TRDN: variants seen among roughly 807,000 people sequenced by gnomAD.
TRDN encodes the protein triadin in skeletal muscle.
TRDN carries 161 observed loss-of-function variants against 149.7 expected under a neutral mutation model. The ratio of observed to expected loss-of-function variants is 1.08; its 90% CI spans 0.95 to 1.23. TRDN has a LOEUF of 1.23. Ranked by LOEUF, TRDN falls within the 50% of genes most tolerant of loss-of-function variation. The pLI, the probability that TRDN is intolerant of heterozygous loss-of-function variation, is 0.00. For missense variants in TRDN, 896 were observed against 823.5 expected, an observed-to-expected ratio of 1.09 and a Z score of -1.08; for synonymous variants, 294 against 250.5, an observed-to-expected ratio of 1.17 and a Z score of -1.64.
chr6:123,539,565 A>T (rs1392658020), intron 4 of TRDN, among the ~76,000 whole-genome samples: 2 of 152,214 alleles, frequency 1.3e-5, no homozygotes, highest in Admixed American at 6.5e-5. Flanking sequence ...AAAGGGAAAC[A>T]ATACCAATAC....
intron 1 of TRDN, among the ~76,000 whole-genome samples, chr6:123,608,751 G>A (rs1784641198): frequency 6.6e-6 from 1 of 151,970 alleles, no homozygotes; most frequent in Admixed American, 6.6e-5. Flanking sequence ...CGTTTTCTGG[G>A]GAAAATTTAT....
At chr6:123,261,817 A>AT (rs1776780990) in intron 33 of TRDN, among the ~76,000 whole-genome samples, 1 of 151,908 alleles carries the variant, frequency 6.6e-6, no homozygotes, top group Non-Finnish European at 1.5e-5. Context: ...TAATTTTGGC[A>AT]ATAGTGTTCA....
intron 1 of TRDN, among the ~76,000 whole-genome samples, chr6:123,632,758 A>C (rs1196181348): frequency 1.3e-5 from 2 of 151,974 alleles, no homozygotes; most frequent in African/African-American, 4.8e-5. Context: ...GTAAATGCAG[A>C]AACATAGGTT....
chr6:123,516,086 G>C, intron 6 of TRDN, 55 bp downstream of exon 6: 1 of 1,388,350 alleles, frequency 7.2e-7, no homozygotes, highest in African/African-American at 1.5e-5. Context: ...TAAAGAGTAG[G>C]AAGTCAATGG....
intron 24 of TRDN, among the ~76,000 whole-genome samples, chr6:123,316,051 T>C (rs1276422224): frequency 6.6e-6 from 1 of 151,910 alleles, no homozygotes; most frequent in East Asian, 1.9e-4. Flanking sequence ...TGAAAGTAGG[T>C]AAATACAGGT....
At chr6:123,425,316 AC>A (rs1774078454) in intron 12 of TRDN, among the ~76,000 whole-genome samples, 1 of 151,578 alleles carries the variant, frequency 6.6e-6, no homozygotes, top group Non-Finnish European at 1.5e-5. Flanking sequence ...GTTCAAAAAA[AC>A]ATATTAACTT....
chr6:123,554,569 T>C (rs915538980), intron 2 of TRDN, among the ~76,000 whole-genome samples: 4 of 152,200 alleles, frequency 2.6e-5, no homozygotes, highest in Admixed American at 2.6e-4. Context: ...TCATTTAATA[T>C]GCCCTGAGTT....
At chr6:123,459,193 G>C (rs988091738) in intron 10 of TRDN, among the ~76,000 whole-genome samples, 5 of 152,128 alleles carry the variant, frequency 3.3e-5, no homozygotes, top group Non-Finnish European at 7.4e-5. Flanking sequence ...TCAGCATCCT[G>C]CCTGACATGT....
At chr6:123,410,993 C>T (rs1251419891) in intron 12 of TRDN, among the ~76,000 whole-genome samples, 1 of 150,950 alleles carries the variant, frequency 6.6e-6, no homozygotes, top group African/African-American at 2.4e-5. Flanking sequence ...CAGAAGAGTG[C>T]CTGGTGTGTA....
Position 123,506,483 on chromosome 6 carries a change from T to C in TRDN, c.611-2582A>G, listed in dbSNP as rs550920368. Among the ~76,000 whole-genome samples, 17 of 152,226 alleles carry C rather than the reference T, an allele frequency of 1.1e-4. 1 individual carries two copies. Among genetic ancestry groups the C allele is most frequent in the Middle Eastern group, 3.4e-3 (1 of 294 alleles). On this transcript the variant is annotated intron_variant, in intron 7 of 40. Coordinates refer to ENST00000334268, the MANE Select transcript of TRDN (RefSeq NM_006073.4). ...AATTTCTTTATTTCTTTTTTATTTA[T>C]TTTTGTCTTTTTGTTTTTTTGTTTA...
At chr6:123,517,586 C>A (rs192952281) in intron 5 of TRDN, among the ~76,000 whole-genome samples, 7 of 152,150 alleles carry the variant, frequency 4.6e-5, no homozygotes, top group South Asian at 2.1e-4. Flanking sequence ...TGTTTACCAA[C>A]CCAATGTCAT....
chr6:123,437,954 G>T, intron 12 of TRDN, 109 bp downstream of exon 12: 3 of 938,012 alleles, frequency 3.2e-6, no homozygotes, highest in South Asian at 1.5e-5. Context: ...TTCACGTCTT[G>T]GGTAGATATA....
intron 17 of TRDN, 34 bp from the exon 18 acceptor site, chr6:123,377,776 T>C (rs776490524): frequency 1.9e-6 from 3 of 1,612,134 alleles, no homozygotes; most frequent in Non-Finnish European, 1.7e-6. Context: ...AAAATCAGCA[T>C]TCTATGTCAT....
intron 9 of TRDN, among the ~76,000 whole-genome samples, chr6:123,477,229 C>T (rs1777531274): frequency 2.4e-5 from 3 of 124,796 alleles, no homozygotes; most frequent in Admixed American, 8.1e-5. Flanking sequence ...AACAAACAAC[C>T]CCATCAAAAA....
intron 12 of TRDN, among the ~76,000 whole-genome samples, chr6:123,424,520 G>A (rs543204524): frequency 6.6e-6 from 1 of 151,578 alleles, no homozygotes; most frequent in Non-Finnish European, 1.5e-5. Flanking sequence ...TATTTCATAC[G>A]CTAATTGGTC....
At chr6:123,548,159 ATTGTGGTT>A (rs1781210268) in intron 3 of TRDN, among the ~76,000 whole-genome samples, 1 of 152,004 alleles carries the variant, frequency 6.6e-6, no homozygotes, top group African/African-American at 2.4e-5. Flanking sequence ...GTGAGTTTGT[ATTGTGGTT>A]TTATAGCAGA....
At chr6:123,369,262 C>A (rs1036185441) in intron 19 of TRDN, among the ~76,000 whole-genome samples, 2 of 152,172 alleles carry the variant, frequency 1.3e-5, no homozygotes, top group Admixed American at 1.3e-4. Flanking sequence ...TACCAGTCAT[C>A]AGATTGAGGG....
intron 24 of TRDN, 25 bp downstream of exon 24, chr6:123,316,432 T>C: frequency 1.9e-6 from 3 of 1,605,494 alleles, no homozygotes; most frequent in Non-Finnish European, 2.6e-6. Flanking sequence ...TCTCCTTGTA[T>C]GTAAATCTTA....
At chr6:123,263,705 A>T (rs180777216) in intron 33 of TRDN, among the ~76,000 whole-genome samples, 1 of 152,070 alleles carries the variant, frequency 6.6e-6, no homozygotes, top group Non-Finnish European at 1.5e-5. Context: ...AGCTAGAGAG[A>T]AAAGTCAATA....
Sources: gnomAD v4.1 joint callset for allele counts (sites outside exome capture counted in the v4.1 genomes callset) on GRCh38, gnomAD v4.1.1 for gene constraint, MANE v1.5 for transcripts, NCBI Gene and HGNC (gene_info 2026-07-23, HGNC 2026-07-21) for gene names.